The following TENM2 variants were observed in gnomAD, a reference collection of about 807,000 sequenced individuals.
TENM2 encodes teneurin-2.
Under a neutral mutation model 245.2 loss-of-function variants are expected in TENM2, and 52 were observed. The ratio of observed to expected loss-of-function variants is 0.21; its 90% confidence interval spans 0.17 to 0.27. TENM2 has a LOEUF of 0.27. TENM2 is among the 10% of genes least tolerant of loss of function. The probability of loss-of-function intolerance (pLI) is 1.00; values close to 1 mark genes in which losing one functional copy is unlikely to be tolerated. For synonymous variants in TENM2, 1,363 were observed against 1,438.9 expected, an observed-to-expected ratio of 0.95 and a Z score of 1.19; for missense variants, 3,046 against 3,666.8, an observed-to-expected ratio of 0.83 and a Z score of 4.37.
chr5:167,605,341 T>C (rs1199029374), intron 2 of TENM2, among the ~76,000 whole-genome samples: 1 of 152,210 alleles, frequency 6.6e-6, no homozygotes, highest in Non-Finnish European at 1.5e-5. Flanking sequence ...AATCAGCCTT[T>C]GTCTACATGC....
intron 2 of TENM2, among the ~76,000 whole-genome samples, chr5:167,537,149 T>C (rs150938150): frequency 3.8e-4 from 58 of 151,038 alleles, no homozygotes; most frequent in African/African-American, 1.3e-3. Flanking sequence ...TGGTGGATCA[T>C]GCCTGTAATC....
chr5:167,239,642 T>C, the TENM2 span, among the ~76,000 whole-genome samples: 9 of 152,352 alleles, frequency 5.9e-5, no homozygotes, highest in South Asian at 4.1e-4. Flanking sequence ...AAAGCAGATG[T>C]GTTTGCTTGT....
At chr5:168,118,420 C>A in exon 10 of TENM2, 1 of 1,610,434 alleles carries the variant, frequency 6.2e-7, no homozygotes. Context: ...CTGCGGGGGC[C>A]ACGGCTCCTG....
intron 3 of TENM2, among the ~76,000 whole-genome samples, chr5:167,952,215 G>A (rs1347074324): frequency 6.6e-6 from 1 of 152,196 alleles, no homozygotes; most frequent in African/African-American, 2.4e-5. Flanking sequence ...AATGTGTGCA[G>A]TATACCAGTT....
chr5:167,716,810 C>A (rs1269216249), intron 2 of TENM2, among the ~76,000 whole-genome samples: 1 of 151,752 alleles, frequency 6.6e-6, no homozygotes, highest in Non-Finnish European at 1.5e-5. Flanking sequence ...AGTTTCAAGT[C>A]TTTTTTATAA....
chr5:167,913,792 T>G (rs771873525), intron 3 of TENM2, among the ~76,000 whole-genome samples: 43 of 152,236 alleles, frequency 2.8e-4, no homozygotes, highest in Non-Finnish European at 5.1e-4. Flanking sequence ...TGTCGATTCC[T>G]GTCCAAGCTG....
chr5:166,982,753 T>C, the TENM2 span, among the ~76,000 whole-genome samples: 1 of 151,850 alleles, frequency 6.6e-6, no homozygotes, highest in Admixed American at 6.6e-5. Context: ...ATTCCCAACC[T>C]TCAGGGAACA....
At chr5:168,061,193 C>G (rs1038194521) in intron 6 of TENM2, among the ~76,000 whole-genome samples, 9 of 152,278 alleles carry the variant, frequency 5.9e-5, no homozygotes, top group African/African-American at 2.2e-4. Context: ...GAAGGAATCA[C>G]AAATGGCCTT....
At chr5:167,236,744 TGGG>T in the TENM2 span, among the ~76,000 whole-genome samples, 1 of 152,182 alleles carries the variant, frequency 6.6e-6, no homozygotes, top group South Asian at 2.1e-4. Context: ...TGGAAGCTCA[TGGG>T]AGTCAGTAGA....
intron 2 of TENM2, among the ~76,000 whole-genome samples, chr5:167,420,113 T>C (rs1763410127): frequency 6.6e-6 from 1 of 152,236 alleles, no homozygotes; most frequent in African/African-American, 2.4e-5. Context: ...GGTGACCAGT[T>C]GCTTAATAGG....
chr5:168,218,827 C>T lies in TENM2; in HGVS notation c.4936C>T (p.Pro1646Ser), dbSNP rs1452829190. Residue 1646 changes from proline (P) to serine (S), a missense_variant, in exon 23 of 29, where the codon CCC becomes TCC. Physicochemically the swap from Pro to Ser is moderately conservative, Grantham distance 74. Transcript: ENST00000518659. The surrounding 1 kb of genome is among the most constrained non-coding windows in gnomAD (Gnocchi z 5.2). ...GATCCGTCGGGACAGCAGTGGCATG[C>T]CCCGTCACCTGCTCATGCCTGACAA... The T allele has an allele frequency of 1.2e-6, 2 of 1,613,836 alleles. No homozygotes were observed. Among genetic ancestry groups the T allele is most frequent in the Admixed American group, 3.3e-5 (2 of 60,002 alleles).
intron 2 of TENM2, among the ~76,000 whole-genome samples, chr5:167,555,506 G>A (rs1355672911): frequency 2.0e-5 from 3 of 151,992 alleles, no homozygotes; most frequent in African/African-American, 4.8e-5. Context: ...CTCACTGTAC[G>A]GCTTTTTGTA....
intron 2 of TENM2, among the ~76,000 whole-genome samples, chr5:167,527,123 T>G (rs997271201): frequency 6.6e-5 from 10 of 152,222 alleles, no homozygotes; most frequent in Non-Finnish European, 1.3e-4. Flanking sequence ...TGGAGGGAGA[T>G]AATTCTTACT....
intron 2 of TENM2, among the ~76,000 whole-genome samples, chr5:167,639,744 A>G (rs990479058): frequency 6.6e-6 from 1 of 152,250 alleles, no homozygotes; most frequent in Middle Eastern, 3.4e-3. Context: ...AAAAAAACCC[A>G]TCACTCTCTT....
chr5:167,509,588 G>A (rs1769787783), intron 2 of TENM2, among the ~76,000 whole-genome samples: 4 of 152,060 alleles, frequency 2.6e-5, no homozygotes, highest in African/African-American at 4.8e-5. Context: ...ACACACTCAG[G>A]AATCTAATAA....
chr5:167,403,021 T>C (rs971159754), intron 2 of TENM2, among the ~76,000 whole-genome samples: 2 of 152,230 alleles, frequency 1.3e-5, no homozygotes, highest in Non-Finnish European at 2.9e-5. Flanking sequence ...TTTTGGTGGA[T>C]TTGAGGTAAA....
chr5:168,075,607 A>C (rs1413365695), intron 7 of TENM2, among the ~76,000 whole-genome samples: 1 of 152,188 alleles, frequency 6.6e-6, no homozygotes, highest in Non-Finnish European at 1.5e-5. Context: ...CTAGAGTTTC[A>C]TATGCAAGGA....
At chr5:168,023,817 C>T (rs1002801333) in intron 5 of TENM2, among the ~76,000 whole-genome samples, 1 of 152,076 alleles carries the variant, frequency 6.6e-6, no homozygotes, top group African/African-American at 2.4e-5. Context: ...CTGGGAGCTC[C>T]CTCTTCATCA....
chr5:167,197,140 T>A, the TENM2 span, among the ~76,000 whole-genome samples: 2 of 152,064 alleles, frequency 1.3e-5, no homozygotes, highest in Non-Finnish European at 2.9e-5. Context: ...ATTAAAACCA[T>A]TTCACTAGTG....
Sources: allele counts gnomAD v4.1 joint callset (sites outside exome capture counted in the v4.1 genomes callset), GRCh38; gene constraint gnomAD v4.1.1; non-coding constraint Gnocchi (gnomAD v3.1); transcripts MANE v1.5; gene names NCBI Gene and HGNC (gene_info 2026-07-23, HGNC 2026-07-21).